MED1: variants seen among roughly 807,000 people sequenced by gnomAD.
MED1 encodes mediator of RNA polymerase II transcription subunit 1.
In MED1, 17 loss-of-function variants were observed where a neutral mutation model predicts 121.3. That is an observed-to-expected ratio of 0.14 (90% CI 0.10 to 0.21). The LOEUF is 0.21. Ranked by LOEUF, MED1 falls within the 10% of genes least tolerant of loss-of-function variation. MED1 has a pLI of 1.00. For synonymous variants in MED1, 661 were observed against 694.4 expected (o/e 0.95, Z 0.76); for missense variants, 1,558 against 1,919.4 (o/e 0.81, Z 3.52).
rs1177194884 is a variant in MED1, at chr17:39,410,329, G to C, written c.1892C>G (p.Pro631Arg). ...GGTGTTGCCGGCCATCGAAGAGACA[G>C]GTGGCGGCGTGTGATGAGGAGGGGT... is the stretch of plus-strand genomic sequence containing the variant. ...SPTPPHHTPP[P>R]VSSMAGNTKN... Residue 631 changes from proline (P) to arginine (R), a missense_variant, in exon 17 of 17, where the codon CCT (proline) becomes CGT (arginine). By Grantham distance (103) the Pro-to-Arg change is moderately radical. This residue lies in a region of MED1 where 793 missense variants were observed against 898.2 expected (regional missense o/e 0.88). Transcript: ENST00000300651. 11 of 1,613,912 alleles carry C rather than the reference G, an allele frequency of 6.8e-6. No homozygotes were observed. Among genetic ancestry groups the C allele is most frequent in the Non-Finnish European group, 8.5e-6 (10 of 1,180,020 alleles).
chr17:39,439,174 T>C lies in MED1; in HGVS notation c.419A>G (p.Gln140Arg), dbSNP rs375188076. 14 of 1,595,462 alleles carry C rather than the reference T, an allele frequency of 8.8e-6. No individual in the cohort carries two copies. Among genetic ancestry groups the C allele is most frequent in the Non-Finnish European group, 1.2e-5 (14 of 1,176,250 alleles). Residue 140 changes from glutamine to arginine, a missense_variant, in exon 6 of 17, where the codon CAG becomes CGG. Gln to Arg is a conservative substitution (Grantham distance 43). Coordinates refer to ENST00000300651, the MANE Select transcript of MED1 (RefSeq NM_004774.4). ...ENPVSCPELV[Q>R]QLREKNFDEF... The stretch of plus-strand genomic sequence containing the variant: ...AATCGTATTTGCTCACCTTAGCTGC[T>C]GTACAAGCTCCGGACAGCTCTGAAA...
chr17:39,417,243 T>C (rs576677764), intron 14 of MED1, among the ~76,000 whole-genome samples: 1 of 152,002 alleles, frequency 6.6e-6, no homozygotes, highest in Non-Finnish European at 1.5e-5. Flanking sequence ...AGCAAGAGAA[T>C]TGCTTGAACC....
chr17:39,418,392 G>T (rs1019976471), intron 14 of MED1, among the ~76,000 whole-genome samples: 6 of 151,904 alleles, frequency 3.9e-5, no homozygotes, highest in Admixed American at 2.6e-4. Flanking sequence ...AATTAGCCAG[G>T]CTTGGTGGTA....
chr17:39,447,376 A>G (rs1384871258), intron 2 of MED1, among the ~76,000 whole-genome samples: 4 of 146,818 alleles, frequency 2.7e-5, no homozygotes, highest in Non-Finnish European at 6.0e-5. Context: ...GGGCAACAAG[A>G]GTGAAACTCC....
chr17:39,437,937 CA>C (rs1281276973), intron 6 of MED1, among the ~76,000 whole-genome samples: 1 of 148,804 alleles, frequency 6.7e-6, no homozygotes, highest in Non-Finnish European at 1.5e-5. Context: ...TCCGTCTCAC[CA>C]AAAAAATAAA....
chr17:39,450,169 C>T (rs571351156), intron 1 of MED1, among the ~76,000 whole-genome samples: 21 of 151,706 alleles, frequency 1.4e-4, no homozygotes, highest in Non-Finnish European at 2.5e-4. Context: ...AGGCTGGTCG[C>T]GAACTCCTGG....
At chr17:39,447,346 G>A (rs563328159) in intron 2 of MED1, among the ~76,000 whole-genome samples, 2 of 151,388 alleles carry the variant, frequency 1.3e-5, no homozygotes, top group African/African-American at 4.9e-5. Context: ...AGCCGAGATC[G>A]GGCTATTACA....
At chr17:39,436,583 T>C (rs1024532730) in intron 6 of MED1, among the ~76,000 whole-genome samples, 7 of 151,992 alleles carry the variant, frequency 4.6e-5, no homozygotes, top group Non-Finnish European at 1.0e-4. Context: ...AGTGAAAAAA[T>C]CCACTATCTG....
chr17:39,443,650 T>C, intron 2 of MED1, 22 bp from the exon 3 acceptor site: 1 of 1,600,828 alleles, frequency 6.2e-7, no homozygotes, highest in Non-Finnish European at 8.6e-7. Context: ...GGGAAAACAT[T>C]TGAGGTGAAA....
At chr17:39,447,121 T>G (rs1198887331) in intron 2 of MED1, among the ~76,000 whole-genome samples, 1 of 152,136 alleles carries the variant, frequency 6.6e-6, no homozygotes, top group Non-Finnish European at 1.5e-5. Flanking sequence ...CTGGACGCGG[T>G]GGCTCACGCC....
chr17:39,409,396 G>C lies in MED1; in HGVS notation c.2825C>G (p.Ala942Gly). The C allele has an allele frequency of 6.2e-7, 1 of 1,614,118 alleles. No homozygotes were observed. The highest frequency in any genetic ancestry group is 8.5e-7 in the Non-Finnish European group (1 of 1,180,026). ...SIISVAGKAL[A>G]PADLMEHHSG... is the part of the protein sequence containing the mutation. ...GTGATGCTCCATAAGATCTGCAGGA[G>C]CTAAAGCTTTGCCGGCTACTGAAAT... The change falls in exon 17 of 17, where the codon GCT becomes GGT. Residue 942 changes from alanine (A) to glycine (G), a missense_variant. Ala to Gly is a moderately conservative substitution (Grantham distance 60). Transcript: ENST00000300651.
At chr17:39,431,079 C>T in intron 9 of MED1, 36 bp downstream of exon 9, 6 of 1,522,808 alleles carry the variant, frequency 3.9e-6, no homozygotes, top group Non-Finnish European at 5.4e-6. Context: ...ACTTAAATTA[C>T]ACATGTTTCT....
At chr17:39,449,372 G>C (rs1222949035) in intron 1 of MED1, among the ~76,000 whole-genome samples, 2 of 152,060 alleles carry the variant, frequency 1.3e-5, no homozygotes, top group Non-Finnish European at 2.9e-5. Context: ...GTAGAGACAG[G>C]CTTTTGCCAG....
intron 2 of MED1, among the ~76,000 whole-genome samples, chr17:39,444,080 T>A (rs1470284418): frequency 2.0e-5 from 3 of 152,182 alleles, no homozygotes; most frequent in Non-Finnish European, 2.9e-5. Flanking sequence ...CCTGTGGAAG[T>A]GACCACATGC....
At position 39,405,533 on chromosome 17, in the gene MED1, C is replaced by G; in HGVS notation, c.*1942G>C. The G allele has an allele frequency of 7.3e-7, 1 of 1,371,470 alleles. No individual in the cohort carries two copies. The highest frequency in any genetic ancestry group is 9.4e-7 in the Non-Finnish European group (1 of 1,062,686). 85.0% of individuals were successfully genotyped at this position (1,371,470 alleles called of 1,614,324 possible). A position where few individuals can be genotyped will look rare whatever the true frequency, so the allele number is the denominator to read the frequency against. Reference sequence around the variant, plus strand: ...GTGACAAACTCATGAGAAATCCAACCTGGCTGAATGTCTGAGAGGCTGCTA... The same window carrying G: ...GTGACAAACTCATGAGAAATCCAACGTGGCTGAATGTCTGAGAGGCTGCTA... On this transcript the variant is annotated 3_prime_UTR_variant, in exon 17 of 17. Transcript: ENST00000300651.
chr17:39,408,570 TGGA>T lies in MED1; in HGVS notation c.3648_3650del (p.Pro1217del), dbSNP rs1257357379. 2 of 1,614,174 alleles carry T rather than the reference TGGA, an allele frequency of 1.2e-6. No homozygotes were observed. The highest frequency in any genetic ancestry group is 1.7e-6 in the Non-Finnish European group (2 of 1,180,024). On this transcript the variant is annotated inframe_deletion, in exon 17 of 17. Coordinates refer to ENST00000300651, the MANE Select transcript of MED1 (RefSeq NM_004774.4). This position sits in a 1 kb window ranked among gnomAD's most constrained non-coding sequence, Gnocchi z 4.7. ...TGATAGGGGACTTGGCTTTAGAGGA[TGGA>T]GGAGTTCCAGGAACAGGCTTCATTG...
At position 39,440,591 on chromosome 17, in the gene MED1, T is replaced by C; in HGVS notation, c.266+32A>G. The C allele has an allele frequency of 6.2e-7, 1 of 1,612,498 alleles. No homozygotes were observed. ...AAGCCACCCAAAGTTAACACTAAGT[T>C]AAACATTTCTGCCTACAGAAAGACT... On this transcript the variant is annotated intron_variant, in intron 4 of 16. Transcript: ENST00000300651. This position sits in a 1 kb window ranked among gnomAD's most constrained non-coding sequence, Gnocchi z 4.1.
chr17:39,416,951 T>TC (rs1276647716), intron 14 of MED1, among the ~76,000 whole-genome samples: 2 of 152,102 alleles, frequency 1.3e-5, no homozygotes, highest in African/African-American at 2.4e-5. Flanking sequence ...GGGAAGAGTA[T>TC]CACTTGAGCC....
At chr17:39,449,797 A>ACAGTG in intron 1 of MED1, among the ~76,000 whole-genome samples, 1 of 133,330 alleles carries the variant, frequency 7.5e-6, no homozygotes. Context: ...GGAGTGAGCC[A>ACAGTG]CCACACCCGG....
Sources: allele counts gnomAD v4.1 joint callset (sites outside exome capture counted in the v4.1 genomes callset), GRCh38; gene constraint gnomAD v4.1.1; regional missense constraint gnomAD v4.1.1; non-coding constraint Gnocchi (gnomAD v3.1); transcripts MANE v1.5; gene names NCBI Gene and HGNC (gene_info 2026-07-23, HGNC 2026-07-21).